Variants in PSD2 observed in about 807,000 individuals in gnomAD.
PSD2 encodes the protein pleckstrin and Sec7 domain containing 2.
Under a neutral mutation model 69.8 loss-of-function variants are expected in PSD2, and 38 were observed. The ratio of observed to expected loss-of-function variants is 0.54; its 90% CI spans 0.42 to 0.71. The LOEUF is 0.71. Among genes scored for constraint, PSD2 ranks in the 30% least tolerant of loss-of-function variants. The pLI is 0.00. For missense variants in PSD2, 943 were observed against 1,014.5 expected, an observed-to-expected ratio of 0.93 and a Z score of 0.96; for synonymous variants, 412 against 423.0, an observed-to-expected ratio of 0.97 and a Z score of 0.32.
At chr5:139,803,357 G>A (rs1426328244) in intron 1 of PSD2, among the ~76,000 whole-genome samples, 1 of 152,228 alleles carries the variant, frequency 6.6e-6, no homozygotes, top group Non-Finnish European at 1.5e-5. Context: ...TGTGCTGTGT[G>A]CTGCTGTCCT....
chr5:139,833,752 G>A lies in PSD2; in HGVS notation c.1320G>A (p.Gln440=), dbSNP rs1760648631. The change falls in exon 8 of 15, where the codon CAG becomes CAA. Residue 440 remains glutamine (Q), a synonymous_variant. Transcript: ENST00000274710. ...SCQQFIANLD[Q]LNDGQDFAKD... is the part of the protein sequence containing the mutation. The stretch of plus-strand genomic sequence containing the variant: ...AGCAATTCATTGCCAACTTGGACCA[G>A]CTGAATGATGGCCAAGACTTTGCCA... 1 of 1,614,050 alleles carries A rather than the reference G, an allele frequency of 6.2e-7. No homozygotes were observed. Among genetic ancestry groups the A allele is most frequent in the Non-Finnish European group, 8.5e-7 (1 of 1,179,930 alleles).
chr5:139,814,345 G>T lies in PSD2; in HGVS notation c.997G>T (p.Ala333Ser). 1 of 1,603,552 alleles carries T rather than the reference G, an allele frequency of 6.2e-7. No homozygotes were observed. ...HLEGFQRCDVARQLGKNNEFS... is the reference protein window; with the variant it reads ...HLEGFQRCDVSRQLGKNNEFS... ...CGAGGGCTTCCAGCGCTGTGATGTG[G>T]CCCGGCAGCTGGGCAAGAAGTGAGT... is the stretch of plus-strand genomic sequence containing the variant. The change falls in exon 4 of 15, where the codon GCC becomes TCC. Residue 333 changes from alanine (A) to serine (S), a missense_variant. Physicochemically the swap from Ala to Ser is moderately conservative, Grantham distance 99. Around this residue, in one of 3 missense-constraint regions of PSD2, gnomAD observed 466 missense variants for 445.0 expected, o/e 1.05. Coordinates refer to ENST00000274710, the MANE Select transcript of PSD2 (RefSeq NM_032289.4). This position sits in a 1 kb window ranked among gnomAD's most constrained non-coding sequence, Gnocchi z 4.4.
intron 7 of PSD2, among the ~76,000 whole-genome samples, chr5:139,826,546 G>T (rs974725350): frequency 2.6e-5 from 4 of 152,198 alleles, no homozygotes; most frequent in Non-Finnish European, 5.9e-5. Context: ...GCAATGAGAA[G>T]ATGAGGGGCT....
At chr5:139,796,960 C>T (rs1182091005) in intron 1 of PSD2, among the ~76,000 whole-genome samples, 1 of 152,076 alleles carries the variant, frequency 6.6e-6, no homozygotes, top group Non-Finnish European at 1.5e-5. Context: ...TGGGTTTGGA[C>T]TTTCCTGGGT....
chr5:139,838,607 C>A (rs963706309), intron 12 of PSD2, 21 bp from the exon 13 acceptor site: 45 of 1,605,228 alleles, frequency 2.8e-5, no homozygotes, highest in Non-Finnish European at 3.4e-5. Flanking sequence ...GGCCGGCACC[C>A]TCTCCCCCTC....
the PSD2 span, chr5:139,746,250 T>C: frequency 6.6e-6 from 1 of 152,270 alleles, no homozygotes; most frequent in Non-Finnish European, 1.5e-5. The surrounding 1 kb of genome is among the most constrained non-coding windows in gnomAD (Gnocchi z 4.5). Context: ...CTTTTCGTTC[T>C]GTGAAGGTCT....
chr5:139,744,610 G>A, the PSD2 span, among the ~76,000 whole-genome samples: 8 of 152,288 alleles, frequency 5.3e-5, no homozygotes, highest in East Asian at 1.4e-3. Context: ...AGCGGCGGGG[G>A]TGGGGGGAAG....
At chr5:139,824,021 G>A (rs917959125) in intron 7 of PSD2, among the ~76,000 whole-genome samples, 21 of 152,218 alleles carry the variant, frequency 1.4e-4, no homozygotes, top group African/African-American at 4.1e-4. Flanking sequence ...GAGAGAAGAC[G>A]CATTCCATAT....
chr5:139,838,481 C>T, intron 12 of PSD2, 147 bp from the exon 13 acceptor site: 1 of 832,900 alleles, frequency 1.2e-6, no homozygotes, highest in African/African-American at 1.7e-5. Flanking sequence ...ATCCAGCCCC[C>T]ATGTGTCCTC....
upstream of PSD2, among the ~76,000 whole-genome samples, chr5:139,793,540 CCAGGGGG>C (rs1321763261): frequency 6.6e-6 from 1 of 152,204 alleles, no homozygotes; most frequent in Non-Finnish European, 1.5e-5. Context: ...GGGGGCAGAT[CCAGGGGG>C]CAGAGACTAG....
chr5:139,816,422 A>C (rs1459692662), intron 4 of PSD2, among the ~76,000 whole-genome samples: 2 of 152,248 alleles, frequency 1.3e-5, no homozygotes, highest in Non-Finnish European at 1.5e-5. Context: ...TTAACCAACA[A>C]CAGTTCTGCA....
At chr5:139,799,484 C>G (rs1759613419) in intron 1 of PSD2, among the ~76,000 whole-genome samples, 1 of 152,108 alleles carries the variant, frequency 6.6e-6, no homozygotes, top group Non-Finnish European at 1.5e-5. Context: ...GAGGCCCAGG[C>G]CACAGCTAGC....
At chr5:139,781,921 A>C in the PSD2 span, among the ~76,000 whole-genome samples, 2 of 152,148 alleles carry the variant, frequency 1.3e-5, no homozygotes, top group Admixed American at 1.3e-4. Flanking sequence ...AGTGTGAGCC[A>C]TTGTGCCTGG....
Position 139,814,257 on chromosome 5 carries a change from G to C in PSD2, c.909G>C (p.Leu303=). The change falls in exon 4 of 15, where the codon CTG becomes CTC. Residue 303 remains leucine (L), a synonymous_variant. Transcript: ENST00000274710. This position sits in a 1 kb window ranked among gnomAD's most constrained non-coding sequence, Gnocchi z 4.4. ...TGGAGCCTGGTAGTGCAGACCCTCT[G>C]GCCAACGGGTGCCAGGGGGTCAGTG... ...EGLEPGSADP[L]ANGCQGVSEA... 1 of 1,613,854 alleles carries C rather than the reference G, an allele frequency of 6.2e-7. No homozygotes were observed. The highest frequency in any genetic ancestry group is 8.5e-7 in the Non-Finnish European group (1 of 1,179,868).
chr5:139,830,109 C>T (rs1192310382), intron 7 of PSD2, among the ~76,000 whole-genome samples: 1 of 149,260 alleles, frequency 6.7e-6, no homozygotes, highest in African/African-American at 2.5e-5. Context: ...ATTTGTGTTT[C>T]TCTAATGATT....
the PSD2 span, among the ~76,000 whole-genome samples, chr5:139,777,532 G>T: frequency 6.6e-6 from 1 of 152,174 alleles, no homozygotes; most frequent in Non-Finnish European, 1.5e-5. Flanking sequence ...TTGGGGCAAA[G>T]AGAATAAAAT....
At chr5:139,800,893 T>A (rs1343022050) in intron 1 of PSD2, among the ~76,000 whole-genome samples, 1 of 152,152 alleles carries the variant, frequency 6.6e-6, no homozygotes, top group Non-Finnish European at 1.5e-5. Flanking sequence ...GATATCTTGC[T>A]GTTATTTCTT....
rs773042542 is a variant in PSD2 at position 139,813,424 on chromosome 5, G to A, written c.487G>A (p.Gly163Arg). ...TQYSSLDSLDGLSLTDESDSC... is the reference protein window; with the variant it reads ...TQYSSLDSLDRLSLTDESDSC... ...GTACAGCAGCCTCGACTCCCTAGAC[G>A]GGCTGAGCCTCACGGATGAGAGCGA... The change falls in exon 3 of 15, where the codon GGG becomes AGG. Residue 163 changes from glycine (G) to arginine (R), a missense_variant. By Grantham distance (125) the Gly-to-Arg change is moderately radical (BLOSUM62 -2). Around this residue, in one of 3 missense-constraint regions of PSD2, gnomAD observed 466 missense variants for 445.0 expected, o/e 1.05. Coordinates refer to ENST00000274710, the MANE Select transcript of PSD2 (RefSeq NM_032289.4). 1.3e-5 allele frequency: 21 copies of A among 1,613,820 alleles called. No homozygotes were observed. The East Asian group carries it at 1.3e-4, about 10-fold the overall frequency.
chr5:139,780,684 T>C, the PSD2 span, among the ~76,000 whole-genome samples: 3 of 152,298 alleles, frequency 2.0e-5, no homozygotes, highest in East Asian at 5.8e-4. Flanking sequence ...TCTCAAATGA[T>C]CCACCAGCCT....
Sources: gnomAD v4.1 joint callset for allele counts (sites outside exome capture counted in the v4.1 genomes callset) on GRCh38, gnomAD v4.1.1 for gene constraint, gnomAD v4.1.1 regional missense constraint, Gnocchi (gnomAD v3.1) non-coding constraint, MANE v1.5 for transcripts, NCBI Gene and HGNC (gene_info 2026-07-23, HGNC 2026-07-21) for gene names.